ALK: variants seen among roughly 807,000 people sequenced by gnomAD.
ALK encodes the protein ALK tyrosine kinase receptor.
A neutral mutation model predicts 163.1 loss-of-function variants in ALK; 74 were observed. The observed-to-expected ratio is 0.45, with a 90% confidence interval of 0.38 to 0.55. The LOEUF (loss-of-function observed/expected upper bound fraction) is 0.55, where lower values mean the gene tolerates loss of function less well. Among genes scored for constraint, ALK ranks in the 20% least tolerant of loss-of-function variants. The pLI is 0.00. For missense variants in ALK, 2,063 were observed against 2,105.3 expected (o/e 0.98, Z 0.39); for synonymous variants, 960 against 843.2 (o/e 1.14, Z -2.40).
At chr2:29,811,229 C>G (rs1456944581) in intron 1 of ALK, among the ~76,000 whole-genome samples, 1 of 75,734 alleles carries the variant, frequency 1.3e-5, no homozygotes, top group Non-Finnish European at 3.3e-5. Context: ...AAGGCACATT[C>G]TGACTCCCCC....
In ALK at chr2:29,707,346, C is replaced by T. The variant is rs149720813; in HGVS notation, c.787+10232G>A. ...CAAACACAGGAAGGTACCAGACTGC[C>T]CGAGCACAGACCTTCTACCCTTCAG... On this transcript the variant is annotated intron_variant, in intron 2 of 28. Transcript: ENST00000389048. Among the ~76,000 whole-genome samples the T allele has an allele frequency of 3.0e-4, 46 of 152,156 alleles. 1 individual carries two copies. In the East Asian group the frequency reaches 5.1e-3, roughly 17 times the overall value.
intron 9 of ALK, among the ~76,000 whole-genome samples, chr2:29,287,194 AATTC>A (rs1488203404): frequency 6.6e-6 from 1 of 152,180 alleles, no homozygotes; most frequent in Non-Finnish European, 1.5e-5. Flanking sequence ...TGAGTTACTA[AATTC>A]AGAGGAGTCT....
intron 3 of ALK, among the ~76,000 whole-genome samples, chr2:29,664,000 C>T (rs964271548): frequency 6.6e-6 from 1 of 152,088 alleles, no homozygotes; most frequent in African/African-American, 2.4e-5. Flanking sequence ...AGTACTACCT[C>T]TAGGAACCCC....
chr2:29,615,352 C>A (rs998291160), intron 3 of ALK, among the ~76,000 whole-genome samples: 1 of 152,190 alleles, frequency 6.6e-6, no homozygotes, highest in Non-Finnish European at 1.5e-5. Context: ...TGGCACCAGA[C>A]TGTCTGGAGT....
At chr2:29,385,494 AT>A (rs1225928652) in intron 4 of ALK, among the ~76,000 whole-genome samples, 1 of 150,846 alleles carries the variant, frequency 6.6e-6, no homozygotes, top group Non-Finnish European at 1.5e-5. Flanking sequence ...GGTTTAGGTG[AT>A]CCTCCTACCT....
rs886055939 is a variant in ALK at position 29,921,485 on chromosome 2, G to T, written c.-826C>A. On this transcript the variant is annotated 5_prime_UTR_variant, in exon 1 of 29. Coordinates refer to ENST00000389048, the MANE Select transcript of ALK (RefSeq NM_004304.5). ...GGCTTTGGGTGGCCGACCAGAGGGC[G>T]GCCGGAAAGCACCTCGGTGCCCCGC... is the stretch of plus-strand genomic sequence containing the variant. 4.3e-6 allele frequency: 1 copy of T among 232,142 alleles called. No homozygotes were observed. The allele number at this position is 232,142 out of a possible 1,614,324, so 14.4% of individuals were successfully genotyped here. A position where few individuals can be genotyped will look rare whatever the true frequency, so the allele number is the denominator to read the frequency against.
At chr2:29,461,326 A>T (rs914816623) in intron 4 of ALK, among the ~76,000 whole-genome samples, 3 of 152,232 alleles carry the variant, frequency 2.0e-5, no homozygotes, top group African/African-American at 7.2e-5. Flanking sequence ...GCTACACTAC[A>T]CAACAGATTT....
chr2:29,540,717 CTACAAGTCTCCAAAAATAACAT>C (rs1398760511), intron 3 of ALK, among the ~76,000 whole-genome samples: 2 of 151,630 alleles, frequency 1.3e-5, no homozygotes, highest in East Asian at 3.9e-4. Context: ...TCTTTCTTGG[CTACAAGTCTCCAAAAATAACAT>C]TTTCAAATTT....
At chr2:29,701,218 C>T (rs1032542275) in intron 2 of ALK, among the ~76,000 whole-genome samples, 2 of 152,166 alleles carry the variant, frequency 1.3e-5, no homozygotes, top group Admixed American at 6.5e-5. Context: ...GGATCAAGGC[C>T]CTTTATGCCT....
chr2:29,347,558 T>A (rs923734055), intron 5 of ALK, among the ~76,000 whole-genome samples: 22 of 152,238 alleles, frequency 1.4e-4, no homozygotes, highest in African/African-American at 5.3e-4. Context: ...TCCAACTTTG[T>A]GTCATCAAGC....
At chr2:29,806,790 G>A (rs1273968408) in intron 1 of ALK, among the ~76,000 whole-genome samples, 1 of 152,166 alleles carries the variant, frequency 6.6e-6, no homozygotes, top group Non-Finnish European at 1.5e-5. Context: ...AGGCACGCAT[G>A]GGGGCCATTT....
chr2:29,260,859 AAC>A (rs200863541), intron 11 of ALK, among the ~76,000 whole-genome samples: 105 of 151,622 alleles, frequency 6.9e-4, no homozygotes, highest in African/African-American at 1.4e-3. Context: ...CAAAAAAAAA[AAC>A]AACAACAAAA....
At chr2:29,848,117 C>G (rs548351201) in intron 1 of ALK, among the ~76,000 whole-genome samples, 2 of 152,188 alleles carry the variant, frequency 1.3e-5, no homozygotes, top group African/African-American at 4.8e-5. Flanking sequence ...CCTGGGGGAT[C>G]AGGGGCAGCG....
chr2:29,615,668 G>A (rs149952273), intron 3 of ALK, among the ~76,000 whole-genome samples: 2 of 152,286 alleles, frequency 1.3e-5, no homozygotes, highest in Non-Finnish European at 2.9e-5. Context: ...CTTCATAGCA[G>A]GGATTGGGTC....
intron 12 of ALK, among the ~76,000 whole-genome samples, chr2:29,248,571 G>A (rs939069880): frequency 6.6e-6 from 1 of 152,156 alleles, no homozygotes; most frequent in African/African-American, 2.4e-5. Flanking sequence ...TACTAATTTG[G>A]ACACTTCGAA....
At chr2:29,799,698 A>C (rs1253395855) in intron 1 of ALK, among the ~76,000 whole-genome samples, 1 of 152,228 alleles carries the variant, frequency 6.6e-6, no homozygotes, top group East Asian at 1.9e-4. Flanking sequence ...AAAGTAAAAT[A>C]AATAAAAATG....
intron 1 of ALK, among the ~76,000 whole-genome samples, chr2:29,807,128 T>C (rs2148368930): frequency 6.6e-6 from 1 of 152,336 alleles, no homozygotes; most frequent in Middle Eastern, 3.4e-3. Context: ...AAATAGTGCC[T>C]TGAGTCTTTA....
Position 29,920,610 on chromosome 2 carries a change from G to A in ALK, c.50C>T (p.Ala17Val), listed in dbSNP as rs2148444051. ...LWLLPLLLST[A>V]AVGSGMGTGQ... ...GGTCCCCATCCCGGAGCCCACAGCT[G>A]CCGTGGAAAGCAGCAGCGGCAGGAG... is the stretch of plus-strand genomic sequence containing the variant. The change falls in exon 1 of 29, where the codon GCA becomes GTA. Residue 17 changes from alanine (A) to valine (V), a missense_variant. Transcript: ENST00000389048. 6.4e-7 allele frequency: 1 copy of A among 1,552,556 alleles called. No individual in the cohort carries two copies. The highest frequency in any genetic ancestry group is 8.7e-7 in the Non-Finnish European group (1 of 1,155,986).
At chr2:29,523,458 C>A (rs1672868823) in intron 4 of ALK, among the ~76,000 whole-genome samples, 2 of 152,146 alleles carry the variant, frequency 1.3e-5, no homozygotes, top group Non-Finnish European at 2.9e-5. Flanking sequence ...TGGGACTGAG[C>A]ATGACTCATA....
Sources: gnomAD v4.1 joint callset for allele counts (sites outside exome capture counted in the v4.1 genomes callset) on GRCh38, gnomAD v4.1.1 for gene constraint, MANE v1.5 for transcripts, NCBI Gene and HGNC (gene_info 2026-07-23, HGNC 2026-07-21) for gene names.